GSN: variants seen among roughly 807,000 people sequenced by gnomAD.
GSN encodes actin-depolymerizing factor.
GSN carries 56 observed loss-of-function variants against 85.7 expected under a neutral mutation model. The ratio of observed to expected loss-of-function variants is 0.65; its 90% CI spans 0.53 to 0.82. The LOEUF (loss-of-function observed/expected upper bound fraction) is 0.82. Ranked by LOEUF, GSN falls within the 40% of genes least tolerant of loss-of-function variation. The pLI, the probability that GSN is intolerant of heterozygous loss-of-function variation, is 0.00. For missense variants in GSN, 857 were observed against 979.8 expected (o/e 0.87, Z 1.67); for synonymous variants, 373 against 399.1 (o/e 0.93, Z 0.78).
At chr9:121,316,865 C>G (rs2061769231) in intron 7 of GSN, among the ~76,000 whole-genome samples, 1 of 151,842 alleles carries the variant, frequency 6.6e-6, no homozygotes, top group South Asian at 2.1e-4. Flanking sequence ...ATCCCGCCCT[C>G]CCTTCCCATG....
intron 5 of GSN, chr9:121,239,077 G>A (rs2054551368): frequency 1.0e-5 from 4 of 388,430 alleles, no homozygotes; most frequent in Non-Finnish European, 2.0e-5. Context: ...CATGGTAAGA[G>A]TAGGAATTTG....
chr9:121,263,553 GGAGA>G (rs965426528), upstream of GSN, among the ~76,000 whole-genome samples: 2 of 152,050 alleles, frequency 1.3e-5, no homozygotes, highest in Admixed American at 6.5e-5. Flanking sequence ...CGTGGTGGCA[GGAGA>G]GAGAGTGTGT....
At position 121,332,699 on chromosome 9, in the gene GSN, AGTGTGTGT is replaced by A; in HGVS notation, c.*109_*116del. ...GAGCGAGCAGAGCAGCTCTGCTATG[AGTGTGTGT>A]GTGTGTGTGTGTTGTTTCTTTTTTT... On this transcript the variant is annotated 3_prime_UTR_variant, in exon 18 of 18. Coordinates refer to ENST00000432226, the MANE Select transcript of GSN (RefSeq NM_198252.3). This position sits in a 1 kb window ranked among gnomAD's most constrained non-coding sequence, Gnocchi z 4.8. 1 of 707,142 alleles carries A rather than the reference AGTGTGTGT, an allele frequency of 1.4e-6. No individual in the cohort carries two copies. The highest frequency in any genetic ancestry group is 2.3e-6 in the Non-Finnish European group (1 of 430,214). The allele number at this position is 707,142 out of a possible 1,614,324, so 43.8% of individuals were successfully genotyped here. A position where few individuals can be genotyped will look rare whatever the true frequency, so the allele number is the denominator to read the frequency against.
chr9:121,231,823 T>TA (rs1211479777), intron 5 of GSN, among the ~76,000 whole-genome samples: 1 of 152,160 alleles, frequency 6.6e-6, no homozygotes, highest in Non-Finnish European at 1.5e-5. Flanking sequence ...CTCACACCTG[T>TA]AATCCCAGCA....
rs755496446 is a variant in GSN, at chr9:121,327,258, G to C, written c.1588-50G>C. ...GGGTCTCCTGGGCTGTGAGGAGGGG[G>C]CTGAGGGCTTTTTGTCTGGTTCCTG... is the stretch of plus-strand genomic sequence containing the variant. On this transcript the variant is annotated intron_variant, in intron 13 of 17. Coordinates refer to ENST00000432226, the MANE Select transcript of GSN (RefSeq NM_198252.3). 6.8e-6 allele frequency: 10 copies of C among 1,479,762 alleles called. No individual in the cohort carries two copies. In the Admixed American group the frequency reaches 8.4e-5, roughly 12 times the overall value. The allele number at this position is 1,479,762 out of a possible 1,614,324, so 91.7% of individuals were successfully genotyped here. A position where few individuals can be genotyped will look rare whatever the true frequency, so the allele number is the denominator to read the frequency against.
At chr9:121,289,847 G>T (rs1162527813) in intron 2 of GSN, among the ~76,000 whole-genome samples, 2 of 152,142 alleles carry the variant, frequency 1.3e-5, no homozygotes, top group East Asian at 3.8e-4. Flanking sequence ...ATATCACAGA[G>T]GACCGAACTC....
chr9:121,252,351 G>T (rs904530105), intron 6 of GSN, among the ~76,000 whole-genome samples: 3 of 152,186 alleles, frequency 2.0e-5, no homozygotes, highest in African/African-American at 7.2e-5. Context: ...AGACTCCTGT[G>T]GCCAGTGGTG....
intron 5 of GSN, among the ~76,000 whole-genome samples, chr9:121,241,396 T>C (rs1257018991): frequency 1.3e-5 from 2 of 152,226 alleles, no homozygotes; most frequent in South Asian, 2.1e-4. Context: ...CTAAAACTCA[T>C]AGGAAGAGTC....
intron 5 of GSN, among the ~76,000 whole-genome samples, chr9:121,237,547 C>T (rs12238702): frequency 0.38 from 57,629 of 152,008 alleles, 13,629 homozygotes; most frequent in East Asian, 0.62. Flanking sequence ...CAAGACTCTG[C>T]CTCAAAAACA....
rs192326734 is a variant in GSN at position 121,218,131 on chromosome 9, A to C, written c.-528+7264A>C. ...TGTTGAGCTCTTAAGAAGGGTGGTC[A>C]TGGAGTATAGGTCTGCTATGAATTG... On this transcript the variant is annotated intron_variant, in intron 4 of 24. Transcript: ENST00000373823. Among the ~76,000 whole-genome samples, 9 of 152,350 alleles carry C rather than the reference A, an allele frequency of 5.9e-5. No individual in the cohort carries two copies. The South Asian group carries it at 1.9e-3, about 32-fold the overall frequency.
intron 2 of GSN, among the ~76,000 whole-genome samples, chr9:121,287,640 T>C (rs2058273654): frequency 6.6e-6 from 1 of 151,714 alleles, no homozygotes; most frequent in Non-Finnish European, 1.5e-5. Context: ...GCCCTTCTCT[T>C]GCAGAATGCT....
chr9:121,258,254 C>A (rs1020800291), intron 6 of GSN, among the ~76,000 whole-genome samples: 2 of 152,206 alleles, frequency 1.3e-5, no homozygotes, highest in Admixed American at 1.3e-4. Context: ...GCCACGAGTT[C>A]AAGGCCAAGG....
chr9:121,327,999 G>C (rs1270949029), intron 14 of GSN, among the ~76,000 whole-genome samples: 4 of 152,150 alleles, frequency 2.6e-5, no homozygotes, highest in Admixed American at 2.6e-4. Flanking sequence ...AAGAAAGAAA[G>C]GAGAGCCCAG....
chr9:121,260,941 A>G (rs1364371946), intron 6 of GSN, among the ~76,000 whole-genome samples: 1 of 152,216 alleles, frequency 6.6e-6, no homozygotes, highest in Non-Finnish European at 1.5e-5. Context: ...TAATCCAATC[A>G]TCAGTTTTTT....
chr9:121,224,022 A>G (rs2054223666), intron 4 of GSN, among the ~76,000 whole-genome samples: 1 of 151,742 alleles, frequency 6.6e-6, no homozygotes, highest in South Asian at 2.1e-4. Context: ...AATAAGTAAT[A>G]TCAATCTTTT....
intron 5 of GSN, 59 bp downstream of exon 5, chr9:121,310,904 A>T: frequency 6.7e-7 from 1 of 1,495,354 alleles, no homozygotes; most frequent in Admixed American, 1.7e-5. Context: ...CTGATCAGGG[A>T]CTTGGGTACA....
At chr9:121,291,821 G>C (rs1007202918) in intron 2 of GSN, among the ~76,000 whole-genome samples, 1 of 152,194 alleles carries the variant, frequency 6.6e-6, no homozygotes, top group African/African-American at 2.4e-5. Context: ...GAAGCTCAGA[G>C]AGGTTGTGTC....
Position 121,314,111 on chromosome 9 carries a change from C to G in GSN, c.753+88C>G. ...TCTTCCCCACTCCACTGCTATGGGA[C>G]CTTGAGCAAAGCACCCCTTTGGAGG... On this transcript the variant is annotated intron_variant, in intron 7 of 17. Coordinates refer to ENST00000432226, the MANE Select transcript of GSN (RefSeq NM_198252.3). 4 of 1,046,700 alleles carry G rather than the reference C, an allele frequency of 3.8e-6. No individual in the cohort carries two copies. The South Asian group carries it at 5.1e-5, about 13-fold the overall frequency. The allele number at this position is 1,046,700 out of a possible 1,614,324, so 64.8% of individuals were successfully genotyped here.
At position 121,318,579 on chromosome 9, in the gene GSN, C is replaced by T. The variant is rs749181514; in HGVS notation, c.975+85C>T. 3.5e-6 allele frequency: 5 copies of T among 1,448,072 alleles called. No individual in the cohort carries two copies. The highest frequency in any genetic ancestry group is 4.9e-6 in the Non-Finnish European group (5 of 1,028,886). The allele number at this position is 1,448,072 out of a possible 1,614,324, so 89.7% of individuals were successfully genotyped here. A position where few individuals can be genotyped will look rare whatever the true frequency, so the allele number is the denominator to read the frequency against. On this transcript the variant is annotated intron_variant, in intron 9 of 17. Coordinates refer to ENST00000432226, the MANE Select transcript of GSN (RefSeq NM_198252.3). This position sits in a 1 kb window ranked among gnomAD's most constrained non-coding sequence, Gnocchi z 4.3. ...TGGAGTAGGGCGGGTGTCCCACCCT[C>T]AGTGTGGATGGGGTATCTGAGGCTC...
Sources: allele counts gnomAD v4.1 joint callset (sites outside exome capture counted in the v4.1 genomes callset), GRCh38; gene constraint gnomAD v4.1.1; non-coding constraint Gnocchi (gnomAD v3.1); transcripts MANE v1.5; gene names NCBI Gene and HGNC (gene_info 2026-07-23, HGNC 2026-07-21).